Variants in CLEC12B observed in about 807,000 individuals in gnomAD.
The protein encoded by CLEC12B is C-type lectin domain family 12 member B.
A neutral mutation model predicts 36.1 loss-of-function variants in CLEC12B; 25 were observed. The observed-to-expected ratio is 0.69, with a 90% CI of 0.50 to 0.97. The LOEUF (loss-of-function observed/expected upper bound fraction) is 0.97. Ranked by LOEUF, CLEC12B falls within the 50% of genes least tolerant of loss-of-function variation. The pLI is 0.00. For missense variants in CLEC12B, 325 were observed against 318.4 expected, an observed-to-expected ratio of 1.02 and a Z score of -0.16; for synonymous variants, 110 against 108.5, an observed-to-expected ratio of 1.01 and a Z score of -0.09.
rs1039336455 is a variant in CLEC12B, at chr12:10,018,484, T to C, written c.*3T>C. The C allele has an allele frequency of 1.3e-6, 2 of 1,548,240 alleles. No individual in the cohort carries two copies. Among genetic ancestry groups the C allele is most frequent in the Non-Finnish European group, 1.7e-6 (2 of 1,145,900 alleles). ...TGAAGACTGAGGATTTGGATTAGTA[T>C]GCTTCTTCCAAATTCTCCAAGAAGT... is the stretch of plus-strand genomic sequence containing the variant. On this transcript the variant is annotated 3_prime_UTR_variant, in exon 6 of 6. Transcript: ENST00000338896.
chr12:10,014,482 A>C (rs189029152), intron 2 of CLEC12B, 41 bp from the exon 3 acceptor site: 27 of 1,363,306 alleles, frequency 2.0e-5, no homozygotes, highest in Middle Eastern at 1.8e-4. Context: ...AGTTATAAGA[A>C]TAGAAGAATA....
upstream of CLEC12B, among the ~76,000 whole-genome samples, chr12:10,010,327 A>G (rs1301466300): frequency 1.3e-5 from 2 of 152,114 alleles, no homozygotes; most frequent in South Asian, 2.1e-4. Flanking sequence ...AATGTGGCTG[A>G]GAATAAACTA....
chr12:10,013,584 A>G (rs1015106584), intron 2 of CLEC12B, among the ~76,000 whole-genome samples: 10 of 152,186 alleles, frequency 6.6e-5, no homozygotes, highest in African/African-American at 2.4e-4. Flanking sequence ...GTTGTTAAGT[A>G]TATGGTATAC....
intron 2 of CLEC12B, among the ~76,000 whole-genome samples, chr12:10,013,934 G>C (rs1338935356): frequency 2.6e-5 from 4 of 152,158 alleles, no homozygotes; most frequent in Non-Finnish European, 5.9e-5. Flanking sequence ...CCATTGGTTC[G>C]ATATAGAAGG....
upstream of CLEC12B, among the ~76,000 whole-genome samples, chr12:10,009,378 C>A (rs1865271334): frequency 6.6e-6 from 1 of 152,118 alleles, no homozygotes; most frequent in Admixed American, 6.5e-5. Context: ...TTCTTAATTT[C>A]TTATTTTTGT....
At chr12:10,010,200 T>TCTCTCACA (rs370060573), upstream of CLEC12B, among the ~76,000 whole-genome samples, 71 of 145,912 alleles carry the variant, frequency 4.9e-4, no homozygotes, top group Non-Finnish European at 6.8e-4. Context: ...TGTCTCTCTC[T>TCTCTCACA]CACACACACA....
At position 10,015,682 on chromosome 12, in the gene CLEC12B, G is replaced by A; in HGVS notation, c.635G>A (p.Gly212Asp). Residue 212 changes from glycine (G) to aspartate (D), a missense_variant, in exon 5 of 6, where the codon GGC becomes GAC. Transcript: ENST00000338896. ...FWLGLSWDSSGRSWFWEDGSV... is the reference protein window; with the variant it reads ...FWLGLSWDSSDRSWFWEDGSV... Reference sequence around the variant, plus strand: ...CTGGGATTATCATGGGACTCCTCTGGCAGAAGTTGGTTCTGGGAAGATGGC... The same window carrying A: ...CTGGGATTATCATGGGACTCCTCTGACAGAAGTTGGTTCTGGGAAGATGGC... 1 of 1,613,694 alleles carries A rather than the reference G, an allele frequency of 6.2e-7. No individual in the cohort carries two copies.
Position 10,014,740 on chromosome 12 carries a change from A to C in CLEC12B, c.408A>C (p.Ser136=). 3.1e-6 allele frequency: 5 copies of C among 1,610,108 alleles called. No individual in the cohort carries two copies. Among genetic ancestry groups the C allele is most frequent in the Non-Finnish European group, 4.2e-6 (5 of 1,176,618 alleles). The part of the protein sequence containing the change: ...KLCQELIIHT[S]DHRCNPCPKM... The stretch of plus-strand genomic sequence containing the variant: ...GCCAAGAGCTAATCATTCATACTTC[A>C]GGTAATCAGACTTAGTCCTGCTGAC... Residue 136 remains serine, a splice_region_variant and synonymous_variant, in exon 3 of 6, where the codon TCA becomes TCC. Coordinates refer to ENST00000338896, the MANE Select transcript of CLEC12B (RefSeq NM_001129998.3).
At chr12:10,006,867 A>G (rs1450970926), upstream of CLEC12B, among the ~76,000 whole-genome samples, 5 of 152,060 alleles carry the variant, frequency 3.3e-5, no homozygotes, top group African/African-American at 7.2e-5. Context: ...CATCCTGGCT[A>G]ACACGGTGAA....
chr12:10,015,144 G>A, intron 3 of CLEC12B, 108 bp from the exon 4 acceptor site: 5 of 935,344 alleles, frequency 5.3e-6, no homozygotes, highest in Admixed American at 4.7e-5. Context: ...TGCTTTCAGG[G>A]TGCAGGCTCT....
rs1865542313 is a variant in CLEC12B at position 10,018,499 on chromosome 12, C to T, written c.*18C>T. 1 of 1,545,274 alleles carries T rather than the reference C, an allele frequency of 6.5e-7. No homozygotes were observed. Among genetic ancestry groups the T allele is most frequent in the African/African-American group, 1.4e-5 (1 of 72,536 alleles). On this transcript the variant is annotated 3_prime_UTR_variant, in exon 6 of 6. Transcript: ENST00000338896. ...TGGATTAGTATGCTTCTTCCAAATT[C>T]TCCAAGAAGTAAGAGACTTGTGAGT...
At position 10,010,782 on chromosome 12, in the gene CLEC12B, C is replaced by T. The variant is rs11833101; in HGVS notation, c.23C>T (p.Ala8Val). The T allele has an allele frequency of 4.5e-3, 7,219 of 1,606,556 alleles. 283 individuals are homozygous for T. In the African/African-American group the frequency reaches 0.083, roughly 18 times the overall value. Residue 8 changes from alanine (A) to valine (V), a missense_variant, in exon 1 of 6, where the codon GCG (alanine) becomes GTG (valine). By Grantham distance (64) the Ala-to-Val change is moderately conservative (BLOSUM62 0). Coordinates refer to ENST00000338896, the MANE Select transcript of CLEC12B (RefSeq NM_001129998.3). MSEEVTYATLTFQDSAGA... is the reference protein window; with the variant it reads MSEEVTYVTLTFQDSAGA... ...ACAATGTCTGAAGAAGTGACCTACG[C>T]GACACTCACATTTCAGGATTCTGCT... is the stretch of plus-strand genomic sequence containing the variant.
At chr12:10,012,722 A>G in intron 1 of CLEC12B, 63 bp from the exon 2 acceptor site, 1 of 1,350,382 alleles carries the variant, frequency 7.4e-7, no homozygotes, top group Non-Finnish European at 1.0e-6. Flanking sequence ...AGAAATAAAC[A>G]AACCAAAGTG....
At chr12:10,011,876 C>G (rs1039510521) in intron 1 of CLEC12B, among the ~76,000 whole-genome samples, 10 of 152,130 alleles carry the variant, frequency 6.6e-5, no homozygotes, top group Non-Finnish European at 1.2e-4. Flanking sequence ...AATTCTAATT[C>G]TAACCTGTGA....
intron 5 of CLEC12B, chr12:10,017,648 T>G (rs1490802469): frequency 2.0e-6 from 2 of 983,830 alleles, no homozygotes; most frequent in Non-Finnish European, 2.4e-6. Flanking sequence ...GGCTAAGATT[T>G]AGTAAGCCTA....
chr12:10,018,665 GTTA>G lies in CLEC12B; in HGVS notation c.*190_*192del. On this transcript the variant is annotated 3_prime_UTR_variant, in exon 6 of 6. Transcript: ENST00000338896. ...CTTGTCTGACGTCTTCTGATTTGAT[GTTA>G]TTATTCGGTCTTAAAATTATACCTG... 2 of 573,466 alleles carry G rather than the reference GTTA, an allele frequency of 3.5e-6. No homozygotes were observed. Among genetic ancestry groups the G allele is most frequent in the Admixed American group, 7.0e-5 (2 of 28,460 alleles). 35.5% of individuals were successfully genotyped at this position (573,466 alleles called of 1,614,324 possible).
At chr12:10,006,666 C>A (rs1047549498), upstream of CLEC12B, among the ~76,000 whole-genome samples, 1 of 152,082 alleles carries the variant, frequency 6.6e-6, no homozygotes, top group African/African-American at 2.4e-5. Flanking sequence ...ATTTAAAATT[C>A]TGTTTATACG....
chr12:10,006,472 T>A (rs1229934707), upstream of CLEC12B, among the ~76,000 whole-genome samples: 2 of 151,914 alleles, frequency 1.3e-5, no homozygotes, highest in Non-Finnish European at 2.9e-5. Flanking sequence ...TTGTTTTTTT[T>A]TTAAGAAGAC....
chr12:10,007,658 A>T (rs1865246793), upstream of CLEC12B, among the ~76,000 whole-genome samples: 1 of 152,248 alleles, frequency 6.6e-6, no homozygotes, highest in South Asian at 2.1e-4. Context: ...TGCAGAACAG[A>T]TTGATTAGTA....
Sources: allele counts gnomAD v4.1 joint callset (sites outside exome capture counted in the v4.1 genomes callset), GRCh38; gene constraint gnomAD v4.1.1; transcripts MANE v1.5; gene names NCBI Gene and HGNC (gene_info 2026-07-23, HGNC 2026-07-21).